Variants in RTN4R observed in about 807,000 individuals in gnomAD.
RTN4R encodes the protein reticulon 4 receptor.
A neutral mutation model predicts 27.7 loss-of-function variants in RTN4R; 4 were observed. That is an observed-to-expected ratio of 0.14 (90% CI 0.07 to 0.33). RTN4R has a LOEUF of 0.33. Ranked by LOEUF, RTN4R falls within the 10% of genes least tolerant of loss-of-function variation. RTN4R has a pLI of 1.00. For missense variants in RTN4R, 554 were observed against 671.5 expected, an observed-to-expected ratio of 0.83 and a Z score of 1.93; for synonymous variants, 290 against 305.6, an observed-to-expected ratio of 0.95 and a Z score of 0.53.
At position 20,242,059 on chromosome 22, in the gene RTN4R, C is replaced by T. The variant is rs910459802; in HGVS notation, c.1074G>A (p.Ala358=). The T allele has an allele frequency of 2.7e-5, 44 of 1,612,390 alleles. No individual in the cohort carries two copies. The highest frequency in any genetic ancestry group is 5.3e-5 in the African/African-American group (4 of 74,942). The stretch of plus-strand genomic sequence containing the variant: ...CACCGGGCGGCACGCGTCCCTTCAG[C>T]GCATTGCCTGCCGAAGCTGGTCTTC... The part of the protein sequence containing the change: ...EPGRPASAGN[A]LKGRVPPGDS... The change falls in exon 2 of 2, where the codon GCG becomes GCA. Residue 358 remains alanine (A), a synonymous_variant. Transcript: ENST00000043402.
At chr22:20,243,386 G>C (rs2051121333) in intron 1 of RTN4R, 1 of 680,668 alleles carries the variant, frequency 1.5e-6, no homozygotes, top group Non-Finnish European at 2.8e-6. Context: ...GCAGCCCACT[G>C]GGTCACCAGG....
At chr22:20,265,366 T>C (rs1362591896) in intron 1 of RTN4R, among the ~76,000 whole-genome samples, 1 of 152,178 alleles carries the variant, frequency 6.6e-6, no homozygotes, top group African/African-American at 2.4e-5. Context: ...CAGCAGGACC[T>C]TCCCCCACCT....
chr22:20,265,252 G>T (rs1445636730), intron 1 of RTN4R, among the ~76,000 whole-genome samples: 1 of 152,164 alleles, frequency 6.6e-6, no homozygotes, highest in Non-Finnish European at 1.5e-5. Context: ...GGGAGAGCAC[G>T]GTCCCACACA....
rs1434444671 is a variant in RTN4R at position 20,252,030 on chromosome 22, TATC to T, written c.23-8923_23-8921del. 2.5e-4 allele frequency among the ~76,000 whole-genome samples: 9 copies of T among 36,168 alleles called. No homozygotes were observed. In the South Asian group the frequency reaches 6.2e-3, roughly 25 times the overall value. 23.7% of individuals were successfully genotyped at this position (36,168 alleles called of 152,430 possible). ...ATCCTCATCACCATCATCCCATCAC[TATC>T]ATCACCATCCTCATCACAATCACTA... On this transcript the variant is annotated intron_variant, in intron 1 of 1. Transcript: ENST00000043402.
intron 1 of RTN4R, among the ~76,000 whole-genome samples, chr22:20,265,731 G>T (rs181603565): frequency 6.6e-6 from 1 of 152,192 alleles, no homozygotes; most frequent in African/African-American, 2.4e-5. Flanking sequence ...ATGGGGTGAG[G>T]GGCCAGCTGG....
intron 1 of RTN4R, among the ~76,000 whole-genome samples, chr22:20,251,891 C>CCATCAGTAT (rs2051182890): frequency 5.1e-3 from 3 of 590 alleles, no homozygotes; most frequent in African/African-American, 9.3e-3. Context: ...ATCACTATCA[C>CCATCAGTAT]CACCATCATC....
At chr22:20,254,139 C>T (rs1248346084) in intron 1 of RTN4R, among the ~76,000 whole-genome samples, 1 of 152,086 alleles carries the variant, frequency 6.6e-6, no homozygotes, top group Admixed American at 6.6e-5. Flanking sequence ...CACAAAGAGG[C>T]AACACGAAGC....
intron 1 of RTN4R, among the ~76,000 whole-genome samples, chr22:20,248,646 C>G (rs1457676614): frequency 6.6e-6 from 1 of 152,194 alleles, no homozygotes; most frequent in Non-Finnish European, 1.5e-5. Context: ...GGAGCCGGGT[C>G]CCAGGCACTC....
In RTN4R at chr22:20,241,609, C is replaced by A; in HGVS notation, c.*102G>T. 7.4e-7 allele frequency: 1 copy of A among 1,348,766 alleles called. No homozygotes were observed. The allele number at this position is 1,348,766 out of a possible 1,614,324, so 83.5% of individuals were successfully genotyped here. A position where few individuals can be genotyped will look rare whatever the true frequency, so the allele number is the denominator to read the frequency against. ...GTCCATCAGGGAGGACCTGGCCTGG[C>A]CTGCCCCACGGGTCGGCCGCCCGGC... On this transcript the variant is annotated 3_prime_UTR_variant, in exon 2 of 2. Coordinates refer to ENST00000043402, the MANE Select transcript of RTN4R (RefSeq NM_023004.6).
chr22:20,260,907 T>A (rs1287941987), intron 1 of RTN4R, among the ~76,000 whole-genome samples: 1 of 151,962 alleles, frequency 6.6e-6, no homozygotes, highest in Non-Finnish European at 1.5e-5. Flanking sequence ...CTTCTCCACA[T>A]GCACCCAGCC....
intron 1 of RTN4R, chr22:20,243,522 G>C (rs2051122386): frequency 4.1e-6 from 2 of 488,166 alleles, no homozygotes; most frequent in East Asian, 1.3e-4. Context: ...TCCACCCACA[G>C]GGCCTAGGAA....
At chr22:20,266,978 C>A (rs899065051) in intron 1 of RTN4R, among the ~76,000 whole-genome samples, 20 of 152,268 alleles carry the variant, frequency 1.3e-4, no homozygotes, top group African/African-American at 4.8e-4. Context: ...TGGGCCTGGC[C>A]TCCCCACTCA....
At chr22:20,263,939 C>A (rs1354979017) in intron 1 of RTN4R, among the ~76,000 whole-genome samples, 1 of 152,250 alleles carries the variant, frequency 6.6e-6, no homozygotes, top group Non-Finnish European at 1.5e-5. Flanking sequence ...GGAGAGGTGG[C>A]CCCAAGGCAC....
At position 20,249,008 on chromosome 22, in the gene RTN4R, G is replaced by A. The variant is rs532108371; in HGVS notation, c.23-5898C>T. The A allele has an allele frequency of 2.7e-4, 118 of 442,460 alleles. 1 individual carries two copies. In the East Asian group the frequency reaches 4.3e-3, roughly 16 times the overall value. 27.4% of individuals were successfully genotyped at this position (442,460 alleles called of 1,614,324 possible). A position where few individuals can be genotyped will look rare whatever the true frequency, so the allele number is the denominator to read the frequency against. Reference sequence around the variant, plus strand: ...GGGGCCCCTGGAGGCTCTGCCCAGTGGAGGCCTCGCCCAGCCCAGGGCACA... The same window carrying A: ...GGGGCCCCTGGAGGCTCTGCCCAGTAGAGGCCTCGCCCAGCCCAGGGCACA... On this transcript the variant is annotated intron_variant, in intron 1 of 1. Transcript: ENST00000043402.
intron 1 of RTN4R, 66 bp downstream of exon 1, chr22:20,268,005 A>AG: frequency 2.1e-6 from 2 of 953,454 alleles, no homozygotes; most frequent in Non-Finnish European, 1.3e-6. Flanking sequence ...GGCTCCGGGG[A>AG]GGGGGCGAGC....
chr22:20,244,689 G>A (rs1054445521), intron 1 of RTN4R, among the ~76,000 whole-genome samples: 1 of 152,156 alleles, frequency 6.6e-6, no homozygotes, highest in African/African-American at 2.4e-5. Context: ...GCCTGACCAT[G>A]TCAGCTCCCC....
chr22:20,253,426 G>A (rs369530683), intron 1 of RTN4R, among the ~76,000 whole-genome samples: 2 of 152,326 alleles, frequency 1.3e-5, no homozygotes, highest in South Asian at 4.1e-4. Flanking sequence ...TCCCCTTCCA[G>A]AGACCCACCG....
At position 20,241,526 on chromosome 22, in the gene RTN4R, G is replaced by A. The variant is rs1423246457; in HGVS notation, c.*185C>T. 3.2e-6 allele frequency: 2 copies of A among 631,172 alleles called. No individual in the cohort carries two copies. The highest frequency in any genetic ancestry group is 2.0e-5 in the South Asian group (1 of 50,566). 39.1% of individuals were successfully genotyped at this position (631,172 alleles called of 1,614,324 possible). A position where few individuals can be genotyped will look rare whatever the true frequency, so the allele number is the denominator to read the frequency against. On this transcript the variant is annotated 3_prime_UTR_variant, in exon 2 of 2. Coordinates refer to ENST00000043402, the MANE Select transcript of RTN4R (RefSeq NM_023004.6). ...TGGGAGGCGGCGTTCTGGAACAAAC[G>A]CTGCCGCCGAACCCTGTAAACATGA...
intron 1 of RTN4R, among the ~76,000 whole-genome samples, chr22:20,248,025 G>A (rs1233564885): frequency 6.6e-6 from 1 of 152,212 alleles, no homozygotes; most frequent in African/African-American, 2.4e-5. Context: ...GTAGGTCCAG[G>A]GCCAGCAGGC....
Sources: allele counts gnomAD v4.1 joint callset (sites outside exome capture counted in the v4.1 genomes callset), GRCh38; gene constraint gnomAD v4.1.1; transcripts MANE v1.5; gene names NCBI Gene and HGNC (gene_info 2026-07-23, HGNC 2026-07-21).